FOXP2: variants seen among roughly 807,000 people sequenced by gnomAD.
The protein encoded by FOXP2 is forkhead box protein P2.
Under a neutral mutation model 115.8 loss-of-function variants are expected in FOXP2, and 12 were observed. That is an observed-to-expected ratio of 0.10 (90% CI 0.07 to 0.17). The LOEUF is 0.17. Ranked by LOEUF, FOXP2 falls within the 10% of genes least tolerant of loss-of-function variation. FOXP2 has a pLI of 1.00. For synonymous variants in FOXP2, 328 were observed against 297.7 expected (o/e 1.10, Z -1.05); for missense variants, 629 against 843.5 (o/e 0.75, Z 3.15).
chr7:114,268,145 A>C (rs949554700), intron 1 of FOXP2, among the ~76,000 whole-genome samples: 1 of 152,196 alleles, frequency 6.6e-6, no homozygotes, highest in African/African-American at 2.4e-5. Flanking sequence ...AGTATATGTC[A>C]GAATTTCTTT....
intron 1 of FOXP2, among the ~76,000 whole-genome samples, chr7:114,153,472 G>A (rs1396501785): frequency 6.6e-6 from 1 of 152,104 alleles, no homozygotes; most frequent in Non-Finnish European, 1.5e-5. Context: ...TCTGTTAGTT[G>A]TGTTAATTAT....
At chr7:114,236,844 G>T (rs1795019015) in intron 1 of FOXP2, among the ~76,000 whole-genome samples, 1 of 152,052 alleles carries the variant, frequency 6.6e-6, no homozygotes, top group African/African-American at 2.4e-5. Context: ...GGGCGTGGTG[G>T]TGGACACCTG....
intron 2 of FOXP2, among the ~76,000 whole-genome samples, chr7:114,406,735 T>C (rs568449704): frequency 6.6e-6 from 1 of 152,060 alleles, no homozygotes; most frequent in South Asian, 2.1e-4. Flanking sequence ...AGCCATAATG[T>C]CTCCTTCGAG....
intron 2 of FOXP2, among the ~76,000 whole-genome samples, chr7:114,432,582 TG>T (rs1349883963): frequency 6.6e-6 from 1 of 152,002 alleles, no homozygotes; most frequent in East Asian, 1.9e-4. Flanking sequence ...GACATTTCTT[TG>T]GAGATCTTTA....
At chr7:114,299,547 T>G (rs928124338) in intron 2 of FOXP2, among the ~76,000 whole-genome samples, 2 of 151,890 alleles carry the variant, frequency 1.3e-5, no homozygotes, top group Admixed American at 1.3e-4. Flanking sequence ...TCTAAGGTTA[T>G]ATAAATAAAT....
intron 7 of FOXP2, 107 bp downstream of exon 7, chr7:114,642,730 T>C: frequency 2.6e-6 from 2 of 756,684 alleles, no homozygotes; most frequent in South Asian, 3.0e-5. Context: ...ACAAAATGTA[T>C]AGAACAACAG....
intron 10 of FOXP2, 92 bp from the exon 11 acceptor site, chr7:114,657,974 G>A (rs1422683862): frequency 2.2e-6 from 3 of 1,370,282 alleles, no homozygotes; most frequent in Non-Finnish European, 3.1e-6. Flanking sequence ...CAACACAGCT[G>A]TAGAAGTGAA....
intron 1 of FOXP2, among the ~76,000 whole-genome samples, chr7:114,123,072 T>C (rs1791610662): frequency 3.3e-5 from 5 of 151,888 alleles, no homozygotes; most frequent in Admixed American, 3.3e-4. Flanking sequence ...ATTTTTGGAC[T>C]GTTCATAGTG....
At chr7:114,532,292 A>G (rs952804259) in intron 2 of FOXP2, among the ~76,000 whole-genome samples, 2 of 151,968 alleles carry the variant, frequency 1.3e-5, no homozygotes, top group Non-Finnish European at 1.5e-5. Context: ...TAGTTGTTCT[A>G]TTCGTTTACA....
chr7:114,112,925 T>C (rs186212538), intron 1 of FOXP2, among the ~76,000 whole-genome samples: 19 of 152,236 alleles, frequency 1.2e-4, no homozygotes, highest in Admixed American at 2.6e-4. Context: ...TCCGGTTGTC[T>C]TCATAAAGAG....
chr7:114,107,300 C>A (rs1658027577), intron 1 of FOXP2, among the ~76,000 whole-genome samples: 1 of 151,980 alleles, frequency 6.6e-6, no homozygotes, highest in African/African-American at 2.4e-5. Context: ...CCTCTCCTTT[C>A]TGTCTAATGG....
At chr7:114,609,818 A>T (rs935960978) in intron 3 of FOXP2, among the ~76,000 whole-genome samples, 4 of 152,236 alleles carry the variant, frequency 2.6e-5, no homozygotes, top group African/African-American at 7.2e-5. Context: ...CAGTGTCAAC[A>T]TTCCCATTGT....
chr7:114,395,919 T>C (rs1346674737), intron 2 of FOXP2, among the ~76,000 whole-genome samples: 1 of 152,050 alleles, frequency 6.6e-6, no homozygotes, highest in Non-Finnish European at 1.5e-5. Context: ...TTATGTGGTA[T>C]ATGAGATATT....
At chr7:114,623,146 G>C (rs1249932351) in intron 3 of FOXP2, among the ~76,000 whole-genome samples, 1 of 151,822 alleles carries the variant, frequency 6.6e-6, no homozygotes, top group Non-Finnish European at 1.5e-5. Context: ...GCTTTTATCT[G>C]TTAAGCATTA....
At chr7:114,662,214 G>A (rs1379176875) in intron 14 of FOXP2, 28 bp downstream of exon 14, 5 of 1,611,244 alleles carry the variant, frequency 3.1e-6, no homozygotes, top group Non-Finnish European at 4.2e-6. Context: ...TTGTAATCCT[G>A]TATCCTGCAT....
chr7:114,242,707 T>C (rs1795185314), intron 1 of FOXP2, among the ~76,000 whole-genome samples: 1 of 152,156 alleles, frequency 6.6e-6, no homozygotes, highest in Non-Finnish European at 1.5e-5. Flanking sequence ...GAAAGAAATA[T>C]GTAAAAGATA....
At chr7:114,411,320 T>G (rs2129198721), upstream of FOXP2, among the ~76,000 whole-genome samples, 1 of 152,170 alleles carries the variant, frequency 6.6e-6, no homozygotes, top group East Asian at 1.9e-4. Context: ...TAAATAGAAA[T>G]GAAATTTTTC....
At chr7:114,451,953 G>T (rs1795094503) in intron 2 of FOXP2, among the ~76,000 whole-genome samples, 2 of 151,870 alleles carry the variant, frequency 1.3e-5, no homozygotes, top group South Asian at 4.1e-4. Context: ...GTAATTGTTA[G>T]TATTCTGTTC....
At chr7:114,211,397 T>A (rs1794344786) in intron 1 of FOXP2, among the ~76,000 whole-genome samples, 1 of 152,188 alleles carries the variant, frequency 6.6e-6, no homozygotes, top group African/African-American at 2.4e-5. Flanking sequence ...CGGGAAAAGC[T>A]GGTTTCCCGG....
Sources: allele counts gnomAD v4.1 joint callset (sites outside exome capture counted in the v4.1 genomes callset), GRCh38; gene constraint gnomAD v4.1.1; transcripts MANE v1.5; gene names NCBI Gene and HGNC (gene_info 2026-07-23, HGNC 2026-07-21).